The following EXOC1 variants were observed in gnomAD, a reference collection of about 807,000 sequenced individuals.
EXOC1 encodes SEC3-like 1.
Under a neutral mutation model 107.7 loss-of-function variants are expected in EXOC1, and 67 were observed. That is an observed-to-expected ratio of 0.62 (90% confidence interval 0.51 to 0.76). EXOC1 has a LOEUF of 0.76. Among genes scored for constraint, EXOC1 ranks in the 30% least tolerant of loss-of-function variants. The probability of loss-of-function intolerance (pLI) is 0.00; values close to 1 mark genes in which losing one functional copy is unlikely to be tolerated. For synonymous variants in EXOC1, 348 were observed against 353.5 expected, an observed-to-expected ratio of 0.98 and a Z score of 0.17; for missense variants, 833 against 1,055.7, an observed-to-expected ratio of 0.79 and a Z score of 2.92.
intron 2 of EXOC1, among the ~76,000 whole-genome samples, chr4:55,859,713 C>T (rs1714137576): frequency 6.6e-6 from 1 of 152,058 alleles, no homozygotes; most frequent in Non-Finnish European, 1.5e-5. Context: ...AGTAAGTTCC[C>T]TTCTATTCCT....
chr4:55,898,221 C>T (rs372157343), intron 16 of EXOC1, among the ~76,000 whole-genome samples: 2 of 152,164 alleles, frequency 1.3e-5, no homozygotes, highest in Admixed American at 6.5e-5. Flanking sequence ...CATGCTACTG[C>T]ACTCTAGCCT....
At chr4:55,865,231 C>G (rs1721848063) in intron 4 of EXOC1, among the ~76,000 whole-genome samples, 1 of 152,126 alleles carries the variant, frequency 6.6e-6, no homozygotes, top group South Asian at 2.1e-4. Context: ...TACTATGCAT[C>G]ATTTTGTGTT....
chr4:55,880,058 G>A (rs1036548217), intron 9 of EXOC1, among the ~76,000 whole-genome samples: 3 of 152,012 alleles, frequency 2.0e-5, no homozygotes, highest in Non-Finnish European at 2.9e-5. Context: ...GAAGGGTTAG[G>A]TAGAGATTTA....
intron 1 of EXOC1, among the ~76,000 whole-genome samples, chr4:55,857,325 A>C (rs1721087664): frequency 6.6e-6 from 1 of 150,962 alleles, no homozygotes; most frequent in South Asian, 2.1e-4. Context: ...GACTACAGGC[A>C]CCCACCACCA....
chr4:55,872,797 C>A (rs188187975), intron 8 of EXOC1: 1 of 980,002 alleles, frequency 1.0e-6, no homozygotes, highest in African/African-American at 1.8e-5. Context: ...GTCCTACTTT[C>A]TTTCGGTTCC....
Position 55,858,539 on chromosome 4 carries a change from G to A in EXOC1, c.124+92G>A, listed in dbSNP as rs1241044382. On this transcript the variant is annotated intron_variant, in intron 2 of 18. Transcript: ENST00000381295. The stretch of plus-strand genomic sequence containing the variant: ...TGTTTTGAATATCCTCATTGTCTCT[G>A]TAATTGGAAAAATTGTTGGGTCAAC... The A allele has an allele frequency of 2.2e-6, 3 of 1,372,122 alleles. No homozygotes were observed. In the East Asian group the frequency reaches 7.7e-5, roughly 35 times the overall value. The allele number at this position is 1,372,122 out of a possible 1,614,324, so 85.0% of individuals were successfully genotyped here.
At chr4:55,854,140 G>T (rs1274516694) in intron 1 of EXOC1, among the ~76,000 whole-genome samples, 187 bp downstream of exon 1, 2 of 152,054 alleles carry the variant, frequency 1.3e-5, no homozygotes, top group African/African-American at 2.4e-5. Context: ...GCGTGACTGT[G>T]CCTTCCTCTT....
chr4:55,888,794 C>A, intron 10 of EXOC1, 94 bp from the exon 11 acceptor site: 2 of 1,298,666 alleles, frequency 1.5e-6, no homozygotes, highest in Non-Finnish European at 2.2e-6. Flanking sequence ...GTCTTTTAAA[C>A]TAGAGCTTTA....
chr4:55,870,946 A>T, intron 6 of EXOC1, 41 bp downstream of exon 6: 1 of 1,571,294 alleles, frequency 6.4e-7, no homozygotes, highest in Non-Finnish European at 8.6e-7. Flanking sequence ...AAAACTAGTG[A>T]TGATATATAA....
At chr4:55,870,148 A>G (rs970993880) in intron 5 of EXOC1, among the ~76,000 whole-genome samples, 1 of 152,210 alleles carries the variant, frequency 6.6e-6, no homozygotes, top group African/African-American at 2.4e-5. Context: ...ACTAGTTCCC[A>G]TCATACTACA....
chr4:55,866,791 A>T (rs1312977966), intron 4 of EXOC1: 1 of 875,052 alleles, frequency 1.1e-6, no homozygotes, highest in African/African-American at 1.8e-5. Flanking sequence ...TATTTTAAAA[A>T]TTTAAGCCTG....
Position 55,890,617 on chromosome 4 carries a change from T to C in EXOC1, c.1539+231T>C, listed in dbSNP as rs143254772. Among the ~76,000 whole-genome samples, 1,243 of 152,114 alleles carry C rather than the reference T, an allele frequency of 8.2e-3. 23 individuals are homozygous for C. Among genetic ancestry groups the C allele is most frequent in the African/African-American group, 0.028 (1,161 of 41,514 alleles). ...ATAAAAGCTTTATTAAAATTTGTTA[T>C]AAATCATAAAATGCTTATATCTCAA... On this transcript the variant is annotated intron_variant, in intron 12 of 18. Coordinates refer to ENST00000381295, the MANE Select transcript of EXOC1 (RefSeq NM_001024924.2).
intron 18 of EXOC1, 75 bp downstream of exon 18, chr4:55,902,613 A>T: frequency 3.3e-6 from 4 of 1,200,410 alleles, no homozygotes; most frequent in Non-Finnish European, 4.4e-6. Flanking sequence ...ATTTTCTAGA[A>T]ATGCTACAGA....
intron 8 of EXOC1, chr4:55,876,594 A>G: frequency 1.0e-6 from 1 of 985,206 alleles, no homozygotes; most frequent in South Asian, 4.7e-5. Context: ...ACCTATTAAT[A>G]TACCTTGTGT....
At chr4:55,881,361 CCACCT>C (rs916930420) in intron 9 of EXOC1, among the ~76,000 whole-genome samples, 7 of 152,112 alleles carry the variant, frequency 4.6e-5, no homozygotes, top group African/African-American at 1.7e-4. Flanking sequence ...TGTCTTCTCT[CCACCT>C]CAGTTTTACA....
At chr4:55,888,768 A>G (rs536208788) in intron 10 of EXOC1, 120 bp from the exon 11 acceptor site, 11 of 954,860 alleles carry the variant, frequency 1.2e-5, no homozygotes, top group Admixed American at 2.0e-5. Flanking sequence ...CTTGATGCTC[A>G]TGGTTCTTTG....
chr4:55,870,909 A>AT lies in EXOC1; in HGVS notation c.831+4_831+5insT. The AT allele has an allele frequency of 6.2e-7, 1 of 1,604,512 alleles. No homozygotes were observed. The highest frequency in any genetic ancestry group is 8.5e-7 in the Non-Finnish European group (1 of 1,175,568). On this transcript the variant is annotated splice_donor_region_variant and intron_variant, in intron 6 of 18. Coordinates refer to ENST00000381295, the MANE Select transcript of EXOC1 (RefSeq NM_001024924.2). The stretch of plus-strand genomic sequence containing the variant: ...ATCTGAGATAGAGTTCCTTGTGGTA[A>AT]GTATGATCATAAATTACCAACAAAA...
Position 55,864,250 on chromosome 4 carries a change from C to G in EXOC1, c.279C>G (p.His93Gln). ...AGGAAAATCCTGAATTTGATTTACA[C>G]TTTGAAAAAATATATAAATGGGTTG... ...AIKENPEFDL[H>Q]FEKIYKWVAS... Residue 93 changes from histidine to glutamine, a missense_variant, in exon 4 of 19, where the codon CAC becomes CAG. Coordinates refer to ENST00000381295, the MANE Select transcript of EXOC1 (RefSeq NM_001024924.2). The G allele has an allele frequency of 6.3e-7, 1 of 1,581,784 alleles. No homozygotes were observed. Among genetic ancestry groups the G allele is most frequent in the South Asian group, 1.2e-5 (1 of 84,756 alleles).
chr4:55,886,272 G>T (rs995856345), intron 10 of EXOC1, among the ~76,000 whole-genome samples: 11 of 152,046 alleles, frequency 7.2e-5, no homozygotes, highest in Non-Finnish European at 2.9e-5. Context: ...TGTAACTCCA[G>T]CCTGGCGCAG....
Sources: gnomAD v4.1 joint callset for allele counts (sites outside exome capture counted in the v4.1 genomes callset) on GRCh38, gnomAD v4.1.1 for gene constraint, MANE v1.5 for transcripts, NCBI Gene and HGNC (gene_info 2026-07-23, HGNC 2026-07-21) for gene names.